The following SHISA9 variants were observed in gnomAD, a reference collection of about 807,000 sequenced individuals.
SHISA9 encodes shisa family member 9.
Under a neutral mutation model 38.0 loss-of-function variants are expected in SHISA9, and 13 were observed. That is an observed-to-expected ratio of 0.34 (90% confidence interval 0.22 to 0.54). SHISA9 has a LOEUF of 0.54. Ranked by LOEUF, SHISA9 falls within the 20% of genes least tolerant of loss-of-function variation. The pLI, the probability that SHISA9 is intolerant of heterozygous loss-of-function variation, is 0.91. For missense variants in SHISA9, 538 were observed against 575.8 expected, an observed-to-expected ratio of 0.93 and a Z score of 0.67; for synonymous variants, 275 against 242.0, an observed-to-expected ratio of 1.14 and a Z score of -1.27.
At chr16:13,306,246 G>A in the SHISA9 span, among the ~76,000 whole-genome samples, 1 of 152,122 alleles carries the variant, frequency 6.6e-6, no homozygotes, top group Non-Finnish European at 1.5e-5. Flanking sequence ...GGAAGGGAGG[G>A]GTGGAGACAG....
the SHISA9 span, among the ~76,000 whole-genome samples, chr16:13,373,662 T>A: frequency 1.3e-5 from 2 of 150,842 alleles, no homozygotes; most frequent in Non-Finnish European, 2.9e-5. Flanking sequence ...CTCAGGAGAC[T>A]GACACAGGAG....
chr16:13,065,166 C>T (rs1384735483), intron 2 of SHISA9, among the ~76,000 whole-genome samples: 4 of 152,162 alleles, frequency 2.6e-5, no homozygotes, highest in African/African-American at 4.8e-5. Context: ...TATGTCACTC[C>T]TCCACGTTCA....
the SHISA9 span, among the ~76,000 whole-genome samples, chr16:13,538,701 C>T: frequency 3.3e-5 from 5 of 152,118 alleles, no homozygotes; most frequent in Non-Finnish European, 7.3e-5. Flanking sequence ...TAAATTGCCC[C>T]ACACTGTAGC....
intron 2 of SHISA9, among the ~76,000 whole-genome samples, chr16:12,931,190 T>A (rs1171496111): frequency 6.6e-6 from 1 of 152,170 alleles, no homozygotes; most frequent in Non-Finnish European, 1.5e-5. Context: ...ATACAGGGGA[T>A]GGAGGGAGGA....
At chr16:13,118,312 G>A (rs1284364395) in intron 2 of SHISA9, among the ~76,000 whole-genome samples, 1 of 152,112 alleles carries the variant, frequency 6.6e-6, no homozygotes, top group Non-Finnish European at 1.5e-5. Flanking sequence ...AGGGAGGTAT[G>A]TGTGTGGGTG....
the SHISA9 span, among the ~76,000 whole-genome samples, chr16:13,323,553 A>G: frequency 2.0e-5 from 3 of 152,162 alleles, no homozygotes; most frequent in African/African-American, 7.2e-5. Flanking sequence ...TCACACTACT[A>G]TAAAGAACTG....
At chr16:13,415,367 A>G in the SHISA9 span, among the ~76,000 whole-genome samples, 2 of 152,198 alleles carry the variant, frequency 1.3e-5, no homozygotes, top group African/African-American at 4.8e-5. Context: ...TCTCACTTTT[A>G]AGTGGGAGCT....
chr16:13,068,732 ATG>A (rs1252735653), intron 2 of SHISA9, among the ~76,000 whole-genome samples: 1 of 152,194 alleles, frequency 6.6e-6, no homozygotes, highest in Non-Finnish European at 1.5e-5. Flanking sequence ...GTGTGTATAA[ATG>A]TGTGAGTGCA....
the SHISA9 span, among the ~76,000 whole-genome samples, chr16:13,289,662 T>TAGAGAGAGAGAGAA: frequency 6.7e-6 from 1 of 149,836 alleles, no homozygotes; most frequent in Admixed American, 6.7e-5. Flanking sequence ...GAGCAAGAGC[T>TAGAGAGAGAGAGAA]AGAGAGAGAG....
At chr16:13,151,349 C>T (rs539225286) in intron 2 of SHISA9, among the ~76,000 whole-genome samples, 1 of 152,252 alleles carries the variant, frequency 6.6e-6, no homozygotes, top group South Asian at 2.1e-4. Flanking sequence ...TCAAGCGATC[C>T]ACCCACCTCA....
At chr16:13,327,637 T>C in the SHISA9 span, among the ~76,000 whole-genome samples, 1 of 152,060 alleles carries the variant, frequency 6.6e-6, no homozygotes, top group Non-Finnish European at 1.5e-5. Flanking sequence ...GGCATAGCTC[T>C]TGCCTTTCTT....
intron 2 of SHISA9, among the ~76,000 whole-genome samples, chr16:12,961,366 C>T (rs185500930): frequency 6.6e-6 from 1 of 152,202 alleles, no homozygotes; most frequent in Non-Finnish European, 1.5e-5. Context: ...TTCTTGACGG[C>T]AATGGAGATC....
At chr16:13,281,989 G>A in the SHISA9 span, among the ~76,000 whole-genome samples, 1 of 151,568 alleles carries the variant, frequency 6.6e-6, no homozygotes, top group Non-Finnish European at 1.5e-5. Context: ...TATTCAGTCA[G>A]TGCTAAGAGA....
chr16:13,308,924 A>G, the SHISA9 span, among the ~76,000 whole-genome samples: 1 of 152,222 alleles, frequency 6.6e-6, no homozygotes. Flanking sequence ...TTATTTATGT[A>G]CTGGATTGGA....
intron 4 of SHISA9, among the ~76,000 whole-genome samples, chr16:13,222,365 A>C (rs911574275): frequency 1.2e-4 from 18 of 151,844 alleles, no homozygotes; most frequent in Non-Finnish European, 4.4e-5. Context: ...TTGCACTATG[A>C]CTCTTACCAT....
intron 2 of SHISA9, among the ~76,000 whole-genome samples, chr16:13,092,470 G>C (rs540688797): frequency 2.6e-5 from 4 of 152,300 alleles, no homozygotes; most frequent in African/African-American, 9.6e-5. Context: ...GCTGTGGTGG[G>C]CTCCGTCCAG....
At chr16:13,090,936 G>A (rs981731545) in intron 2 of SHISA9, among the ~76,000 whole-genome samples, 1 of 152,200 alleles carries the variant, frequency 6.6e-6, no homozygotes, top group African/African-American at 2.4e-5. Flanking sequence ...GCTGGTACCA[G>A]TTGTTTCTTT....
chr16:13,302,945 A>G, the SHISA9 span, among the ~76,000 whole-genome samples: 6 of 152,114 alleles, frequency 3.9e-5, no homozygotes, highest in Admixed American at 2.0e-4. Flanking sequence ...GCCGTGTAAG[A>G]CGTGTATAAT....
At chr16:12,961,537 A>T (rs555831719) in intron 2 of SHISA9, among the ~76,000 whole-genome samples, 1 of 152,308 alleles carries the variant, frequency 6.6e-6, no homozygotes, top group South Asian at 2.1e-4. Flanking sequence ...CAGAAAAAGG[A>T]TGTGTCTGTA....
Sources: gnomAD v4.1 joint callset for allele counts (sites outside exome capture counted in the v4.1 genomes callset) on GRCh38, gnomAD v4.1.1 for gene constraint, MANE v1.5 for transcripts, NCBI Gene and HGNC (gene_info 2026-07-23, HGNC 2026-07-21) for gene names.